The following ANO5 variants were observed in gnomAD, a reference collection of about 807,000 sequenced individuals.
The protein encoded by ANO5 is anoctamin 5.
Under a neutral mutation model 121.0 loss-of-function variants are expected in ANO5, and 109 were observed. That is an observed-to-expected ratio of 0.90 (90% confidence interval 0.77 to 1.06). ANO5 has a LOEUF of 1.06. ANO5 is among the 50% of genes least tolerant of loss of function. The probability of loss-of-function intolerance (pLI) is 0.00; values close to 1 mark genes in which losing one functional copy is unlikely to be tolerated. For synonymous variants in ANO5, 406 were observed against 359.9 expected, an observed-to-expected ratio of 1.13 and a Z score of -1.45; for missense variants, 1,064 against 1,078.5, an observed-to-expected ratio of 0.99 and a Z score of 0.19.
chr11:22,232,176 T>G (rs1168892239), intron 7 of ANO5, among the ~76,000 whole-genome samples: 2 of 152,040 alleles, frequency 1.3e-5, no homozygotes, highest in Non-Finnish European at 2.9e-5. Flanking sequence ...ATTTGGGTGA[T>G]CAGTTAAGCT....
At chr11:22,196,501 G>T (rs1348155598) in intron 1 of ANO5, among the ~76,000 whole-genome samples, 1 of 145,556 alleles carries the variant, frequency 6.9e-6, no homozygotes, top group Non-Finnish European at 1.5e-5. Context: ...TGTTATGAGA[G>T]TTTTTTTTTT....
In ANO5 at chr11:22,262,120, A is replaced by T. The variant is rs546602304; in HGVS notation, c.1631-9A>T. 6.2e-6 allele frequency: 10 copies of T among 1,612,920 alleles called. No homozygotes were observed. The South Asian group carries it at 9.9e-5, about 16-fold the overall frequency. ...AAGATGCACTAAACATTTTTTTTTAACTTAACAGAAATTCCTCGAACATAC... is the reference window on the plus strand; with the variant it reads ...AAGATGCACTAAACATTTTTTTTTATCTTAACAGAAATTCCTCGAACATAC... On this transcript the variant is annotated splice_polypyrimidine_tract_variant and intron_variant, in intron 15 of 21. Coordinates refer to ENST00000324559, the MANE Select transcript of ANO5 (RefSeq NM_213599.3).
At chr11:22,215,725 G>T (rs78572754) in intron 3 of ANO5, among the ~76,000 whole-genome samples, 1 of 151,900 alleles carries the variant, frequency 6.6e-6, no homozygotes, top group South Asian at 2.1e-4. Flanking sequence ...ACAATAAAAT[G>T]CACCCATTTT....
At chr11:22,219,888 T>C (rs1852584678) in intron 4 of ANO5, among the ~76,000 whole-genome samples, 1 of 96,590 alleles carries the variant, frequency 1.0e-5, no homozygotes, top group African/African-American at 3.3e-5. Flanking sequence ...CTAGGTTCCC[T>C]AGATTTTTTT....
intron 7 of ANO5, among the ~76,000 whole-genome samples, chr11:22,232,573 C>A (rs1853077596): frequency 6.6e-6 from 1 of 151,776 alleles, no homozygotes; most frequent in Non-Finnish European, 1.5e-5. Context: ...CAACTCACAC[C>A]AGGATAATGA....
intron 2 of ANO5, among the ~76,000 whole-genome samples, chr11:22,204,634 T>G (rs969519750): frequency 2.6e-5 from 4 of 151,972 alleles, no homozygotes; most frequent in Non-Finnish European, 5.9e-5. Context: ...AGTTACAGGG[T>G]TCCTTTAAAA....
Position 22,281,241 on chromosome 11 carries a change from A to T in ANO5, c.*1476A>T, listed in dbSNP as rs1855064567. 1 of 152,086 alleles carries T rather than the reference A, an allele frequency of 6.6e-6. No homozygotes were observed. The highest frequency in any genetic ancestry group is 2.4e-5 in the African/African-American group (1 of 41,450). 9.4% of individuals were successfully genotyped at this position (152,086 alleles called of 1,614,324 possible). ...CATAAGAAATTTTATCACAATATTT[A>T]AAACTAATATTTCATTATCTAATGC... On this transcript the variant is annotated 3_prime_UTR_variant, in exon 22 of 22. Coordinates refer to ENST00000324559, the MANE Select transcript of ANO5 (RefSeq NM_213599.3).
intron 1 of ANO5, 110 bp downstream of exon 1, chr11:22,193,642 T>A: frequency 7.3e-7 from 1 of 1,364,928 alleles, no homozygotes; most frequent in Non-Finnish European, 1.0e-6. Flanking sequence ...GCCTGAGTCC[T>A]AGGGAGGTTC....
In ANO5 at chr11:22,269,106, A is replaced by G. The variant is rs149693573; in HGVS notation, c.1899-1206A>G. ...GAAGGACGGAAGGAAGCAAGGAAGG[A>G]AGGGAGGGATTAAAGAAAGGAAAGG... On this transcript the variant is annotated intron_variant, in intron 17 of 21. Coordinates refer to ENST00000324559, the MANE Select transcript of ANO5 (RefSeq NM_213599.3). Among the ~76,000 whole-genome samples, 587 of 149,416 alleles carry G rather than the reference A, an allele frequency of 3.9e-3. 5 individuals are homozygous for G. The highest frequency in any genetic ancestry group is 0.014 in the African/African-American group (560 of 40,586).
chr11:22,207,077 GA>G (rs1448139089), intron 2 of ANO5, among the ~76,000 whole-genome samples: 4 of 151,824 alleles, frequency 2.6e-5, no homozygotes, highest in Non-Finnish European at 5.9e-5. Flanking sequence ...TAAAAAATAA[GA>G]AAATTATATA....
At position 22,220,732 on chromosome 11, in the gene ANO5, C is replaced by T. The variant is rs190814541; in HGVS notation, c.181-365C>T. 1.9e-3 allele frequency among the ~76,000 whole-genome samples: 285 copies of T among 151,810 alleles called. 3 individuals carry two copies. The highest frequency in any genetic ancestry group is 6.3e-3 in the African/African-American group (260 of 41,454). On this transcript the variant is annotated intron_variant, in intron 4 of 21. Transcript: ENST00000324559. ...TTAATTGGTCTGTAATTAATTATAC[C>T]CCCAAAGTTGTGTGTAGCCATGAAT...
intron 19 of ANO5, among the ~76,000 whole-genome samples, chr11:22,273,844 A>G (rs2133791984): frequency 6.6e-6 from 1 of 152,236 alleles, no homozygotes; most frequent in Middle Eastern, 3.4e-3. Context: ...TATATTTGAA[A>G]TGACCACTTT....
rs1302354806 is a variant in ANO5, at chr11:22,270,343, G to T, written c.1930G>T (p.Ala644Ser). The change falls in exon 18 of 22, where the codon GCT becomes TCT. Residue 644 changes from alanine (A) to serine (S), a missense_variant. Transcript: ENST00000324559. ...TTTGAATTGGTGGAGACGCCGAAAA[G>T]CTCGGACAAACTCTGAGAAGCTGTA... ...LALNWWRRRK[A>S]RTNSEKLYSR... 5.6e-6 allele frequency: 9 copies of T among 1,614,010 alleles called. No homozygotes were observed. Among genetic ancestry groups the T allele is most frequent in the Admixed American group, 1.7e-5 (1 of 60,004 alleles).
intron 1 of ANO5, among the ~76,000 whole-genome samples, chr11:22,195,236 G>T (rs1000476472): frequency 1.3e-5 from 2 of 152,120 alleles, no homozygotes; most frequent in Non-Finnish European, 2.9e-5. Context: ...TTTTGGAGAA[G>T]TGTCTATTCA....
intron 9 of ANO5, among the ~76,000 whole-genome samples, chr11:22,245,715 C>G (rs1853593179): frequency 6.6e-6 from 1 of 152,144 alleles, no homozygotes; most frequent in African/African-American, 2.4e-5. Flanking sequence ...GTTTCTAGCA[C>G]TAGAGTGCCC....
intron 9 of ANO5, among the ~76,000 whole-genome samples, chr11:22,245,698 A>G (rs1853592311): frequency 1.3e-5 from 2 of 152,216 alleles, no homozygotes; most frequent in South Asian, 2.1e-4. Context: ...TTTAATTTAT[A>G]AACAGAGTTT....
chr11:22,197,535 T>G (rs1200090026), intron 1 of ANO5, among the ~76,000 whole-genome samples: 1 of 152,168 alleles, frequency 6.6e-6, no homozygotes, highest in Non-Finnish European at 1.5e-5. Flanking sequence ...GTTAGGTTGT[T>G]TGCATCTTTA....
At chr11:22,251,037 C>G in intron 12 of ANO5, 26 bp downstream of exon 12, 1 of 1,584,818 alleles carries the variant, frequency 6.3e-7, no homozygotes, top group Non-Finnish European at 8.6e-7. Context: ...CATAAAGAAA[C>G]AGCTTTCTTC....
At chr11:22,228,915 A>T (rs1166041738) in intron 7 of ANO5, among the ~76,000 whole-genome samples, 1 of 152,076 alleles carries the variant, frequency 6.6e-6, no homozygotes, top group South Asian at 2.1e-4. Flanking sequence ...CATCTTGGGT[A>T]TCGTGAATAG....
Sources: gnomAD v4.1 joint callset for allele counts (sites outside exome capture counted in the v4.1 genomes callset) on GRCh38, gnomAD v4.1.1 for gene constraint, MANE v1.5 for transcripts, NCBI Gene and HGNC (gene_info 2026-07-23, HGNC 2026-07-21) for gene names.